IMMP2L: variants seen among roughly 807,000 people sequenced by gnomAD.
IMMP2L encodes inner mitochondrial membrane peptidase subunit 2.
Under a neutral mutation model 19.3 loss-of-function variants are expected in IMMP2L, and 18 were observed. The ratio of observed to expected loss-of-function variants is 0.93; its 90% CI spans 0.64 to 1.38. The LOEUF is 1.38. IMMP2L is among the 40% of genes most tolerant of loss of function. The pLI is 0.00. For missense variants in IMMP2L, 233 were observed against 218.2 expected (o/e 1.07, Z -0.43); for synonymous variants, 76 against 73.0 (o/e 1.04, Z -0.21).
chr7:111,077,772 A>G (rs1156713537), intron 3 of IMMP2L, among the ~76,000 whole-genome samples: 2 of 152,230 alleles, frequency 1.3e-5, no homozygotes, highest in East Asian at 3.9e-4. Flanking sequence ...GCAAGACTAT[A>G]GGAGATCTCA....
At chr7:110,777,456 A>G (rs1799465625) in intron 5 of IMMP2L, among the ~76,000 whole-genome samples, 1 of 151,974 alleles carries the variant, frequency 6.6e-6, no homozygotes, top group Admixed American at 6.6e-5. Flanking sequence ...ATTTTTCCCT[A>G]CAACCTAGTT....
chr7:111,159,350 A>G (rs1047194651), intron 3 of IMMP2L, among the ~76,000 whole-genome samples: 32 of 152,068 alleles, frequency 2.1e-4, no homozygotes, highest in African/African-American at 6.8e-4. Flanking sequence ...TCCTGACCTC[A>G]TGATCCACCC....
At chr7:111,082,389 G>A (rs1350771438) in intron 3 of IMMP2L, among the ~76,000 whole-genome samples, 1 of 152,128 alleles carries the variant, frequency 6.6e-6, no homozygotes, top group Non-Finnish European at 1.5e-5. Context: ...AAAAATAAAC[G>A]CACCTTCTGT....
chr7:110,815,037 G>A (rs966029795), intron 5 of IMMP2L, among the ~76,000 whole-genome samples: 1 of 151,964 alleles, frequency 6.6e-6, no homozygotes, highest in African/African-American at 2.4e-5. Context: ...GAGGGCTCTA[G>A]GAGTACAATA....
chr7:110,716,227 G>A (rs369664728), intron 5 of IMMP2L, among the ~76,000 whole-genome samples: 5 of 151,938 alleles, frequency 3.3e-5, no homozygotes, highest in African/African-American at 1.2e-4. Flanking sequence ...AGAGGGGATG[G>A]ATGGTTTTTC....
At chr7:111,225,847 G>T (rs1813029935) in intron 3 of IMMP2L, among the ~76,000 whole-genome samples, 1 of 152,150 alleles carries the variant, frequency 6.6e-6, no homozygotes, top group South Asian at 2.1e-4. Context: ...GCTTCCAAAA[G>T]ATAAGACTTG....
At chr7:111,410,150 A>C (rs560952288) in intron 3 of IMMP2L, among the ~76,000 whole-genome samples, 1 of 151,920 alleles carries the variant, frequency 6.6e-6, no homozygotes, top group Non-Finnish European at 1.5e-5. Context: ...GGAAAAGATC[A>C]ATTTCAGGGG....
intron 3 of IMMP2L, among the ~76,000 whole-genome samples, chr7:111,301,361 GT>G (rs1220939643): frequency 2.2e-4 from 30 of 139,312 alleles, no homozygotes; most frequent in East Asian, 8.3e-4. Flanking sequence ...TGTTTGTTTT[GT>G]TTTTTTTTTT....
intron 4 of IMMP2L, among the ~76,000 whole-genome samples, chr7:110,923,084 T>C (rs533733294): frequency 6.6e-6 from 1 of 152,176 alleles, no homozygotes; most frequent in Non-Finnish European, 1.5e-5. Context: ...CATACTGTCC[T>C]GACATACCAG....
At chr7:110,720,771 A>G (rs1341848938) in intron 5 of IMMP2L, among the ~76,000 whole-genome samples, 1 of 152,124 alleles carries the variant, frequency 6.6e-6, no homozygotes, top group Non-Finnish European at 1.5e-5. Context: ...CACTTCTCTT[A>G]GCGGTTCTGC....
At chr7:111,321,422 C>A (rs1733773759) in intron 3 of IMMP2L, among the ~76,000 whole-genome samples, 1 of 151,866 alleles carries the variant, frequency 6.6e-6, no homozygotes, top group South Asian at 2.1e-4. Context: ...TCCTGAGAAG[C>A]TAGAGACTAC....
At chr7:110,704,816 G>T (rs1271570716) in intron 5 of IMMP2L, among the ~76,000 whole-genome samples, 2 of 152,130 alleles carry the variant, frequency 1.3e-5, no homozygotes, top group East Asian at 1.9e-4. Context: ...CAGTTGGGAG[G>T]TTAGTGAGAC....
intron 3 of IMMP2L, among the ~76,000 whole-genome samples, chr7:111,054,829 G>A (rs77801487): frequency 0.021 from 3,222 of 152,262 alleles, 63 homozygotes; most frequent in South Asian, 0.075. Context: ...TTCAGGATAT[G>A]TCTTCCCGAT....
chr7:110,868,473 C>G (rs191158615), intron 5 of IMMP2L, among the ~76,000 whole-genome samples: 2 of 152,024 alleles, frequency 1.3e-5, no homozygotes, highest in African/African-American at 2.4e-5. Flanking sequence ...AATCCAGGCC[C>G]AGAGGCTGGG....
At chr7:110,862,159 A>G (rs1338531459) in intron 5 of IMMP2L, among the ~76,000 whole-genome samples, 1 of 151,990 alleles carries the variant, frequency 6.6e-6, no homozygotes. Context: ...TTATACTTTT[A>G]TAAAATCCCC....
chr7:111,228,142 T>C (rs1465823592), intron 3 of IMMP2L, among the ~76,000 whole-genome samples: 1 of 152,106 alleles, frequency 6.6e-6, no homozygotes, highest in Non-Finnish European at 1.5e-5. Context: ...TTTATGTTCA[T>C]GTTTAAAACA....
intron 3 of IMMP2L, among the ~76,000 whole-genome samples, chr7:111,076,145 C>G (rs577005030): frequency 2.3e-4 from 35 of 152,214 alleles, no homozygotes; most frequent in African/African-American, 8.4e-4. Context: ...CATGATGATC[C>G]TGTATGTGTG....
At chr7:111,305,746 G>A (rs2130127647) in intron 3 of IMMP2L, among the ~76,000 whole-genome samples, 1 of 152,316 alleles carries the variant, frequency 6.6e-6, no homozygotes, top group East Asian at 1.9e-4. Context: ...TCAGCTTTCA[G>A]GTCCTGTGAA....
chr7:110,777,017 T>C (rs1172744664), intron 5 of IMMP2L, among the ~76,000 whole-genome samples: 2 of 151,988 alleles, frequency 1.3e-5, no homozygotes, highest in South Asian at 4.1e-4. Flanking sequence ...CAGGGTTTGT[T>C]AATATGTGTG....
Sources: allele counts gnomAD v4.1 joint callset (sites outside exome capture counted in the v4.1 genomes callset), GRCh38; gene constraint gnomAD v4.1.1; transcripts MANE v1.5; gene names NCBI Gene and HGNC (gene_info 2026-07-23, HGNC 2026-07-21).